The following SH3KBP1 variants were observed in gnomAD, a reference collection of about 807,000 sequenced individuals.
SH3KBP1 encodes the protein SH3 domain-containing kinase-binding protein 1.
A neutral mutation model predicts 50.1 loss-of-function variants in SH3KBP1; 8 were observed. The observed-to-expected ratio is 0.16, with a 90% CI of 0.09 to 0.29. The LOEUF is 0.29. SH3KBP1 is among the 10% of genes least tolerant of loss of function. SH3KBP1 has a pLI of 1.00. For missense variants in SH3KBP1, 377 were observed against 535.2 expected, an observed-to-expected ratio of 0.70 and a Z score of 2.92; for synonymous variants, 227 against 218.6, an observed-to-expected ratio of 1.04 and a Z score of -0.34.
At chrX:19,616,296 C>T (rs2067611736) in intron 8 of SH3KBP1, among the ~76,000 whole-genome samples, 1 of 111,816 alleles carries the variant, frequency 8.9e-6, no homozygotes, top group Non-Finnish European at 1.9e-5. Flanking sequence ...ACAACGAAGT[C>T]ATGACCCAGA....
chrX:19,654,793 A>T (rs1234001697), intron 6 of SH3KBP1, among the ~76,000 whole-genome samples: 1 of 112,069 alleles, frequency 8.9e-6, no homozygotes, highest in African/African-American at 3.2e-5. Flanking sequence ...GAGAAAGATG[A>T]TATGGCTGGA....
At chrX:19,590,903 C>T (rs1342115045) in intron 11 of SH3KBP1, among the ~76,000 whole-genome samples, 1 of 94,859 alleles carries the variant, frequency 1.1e-5, no homozygotes, top group Non-Finnish European at 2.0e-5. Flanking sequence ...CTCAAGTGAT[C>T]CTCCCGCCTC....
chrX:19,677,684 T>C (rs2062961199), intron 6 of SH3KBP1, among the ~76,000 whole-genome samples: 1 of 112,245 alleles, frequency 8.9e-6, no homozygotes. Flanking sequence ...AATCTTCAAG[T>C]CCTCCCTCTT....
intron 2 of SH3KBP1, among the ~76,000 whole-genome samples, chrX:19,791,536 GAAA>G (rs11410602): frequency 3.9e-5 from 3 of 76,878 alleles, no homozygotes. Flanking sequence ...CCTAGAGAAT[GAAA>G]AAAAAAAAAA....
At chrX:19,657,496 G>A (rs60266492) in intron 6 of SH3KBP1, among the ~76,000 whole-genome samples, 2,720 of 110,413 alleles carry the variant, frequency 0.025, 85 homozygotes, top group African/African-American at 0.084. Context: ...TTGGGAGGCC[G>A]AGGTGGGTGG....
chrX:19,586,551 T>C (rs779763468), intron 12 of SH3KBP1, among the ~76,000 whole-genome samples: 1 of 112,322 alleles, frequency 8.9e-6, no homozygotes, highest in African/African-American at 3.2e-5. Flanking sequence ...GCTAAGGTCA[T>C]CAAGGCTGTC....
chrX:19,685,627 T>C (rs953078557), intron 5 of SH3KBP1, among the ~76,000 whole-genome samples: 1 of 111,875 alleles, frequency 8.9e-6, no homozygotes, highest in Non-Finnish European at 1.9e-5. Context: ...TATCCATTTG[T>C]GTGTTTATCT....
At chrX:19,554,247 TTAAAA>T (rs1290388238) in intron 13 of SH3KBP1, among the ~76,000 whole-genome samples, 1 of 81,865 alleles carries the variant, frequency 1.2e-5, no homozygotes, top group Non-Finnish European at 2.2e-5. Context: ...ATTATATATA[TTAAAA>T]TATATTATAT....
intron 5 of SH3KBP1, among the ~76,000 whole-genome samples, chrX:19,692,636 T>C (rs983120580): frequency 1.2e-5 from 1 of 86,031 alleles, no homozygotes; most frequent in Non-Finnish European, 2.2e-5. Flanking sequence ...TGTGTGTGTG[T>C]GTGTGTGTGT....
chrX:19,558,518 A>G (rs2065561475), intron 13 of SH3KBP1, among the ~76,000 whole-genome samples: 1 of 112,050 alleles, frequency 8.9e-6, no homozygotes, highest in African/African-American at 3.2e-5. Flanking sequence ...ACCATCATCC[A>G]TTTTAAAATA....
At chrX:19,544,421 AG>A (rs1195613544) in intron 15 of SH3KBP1, among the ~76,000 whole-genome samples, 3 of 110,608 alleles carry the variant, frequency 2.7e-5, no homozygotes, top group African/African-American at 9.8e-5. Context: ...CAAGACTCAT[AG>A]GTAATAACTG....
At chrX:19,691,356 CTATA>C (rs1258274594) in intron 5 of SH3KBP1, among the ~76,000 whole-genome samples, 10 of 73,595 alleles carry the variant, frequency 1.4e-4, no homozygotes, top group African/African-American at 4.3e-4. Context: ...CTCTCTCTCT[CTATA>C]TATATATATA....
intron 8 of SH3KBP1, among the ~76,000 whole-genome samples, chrX:19,612,397 G>C (rs1428522194): frequency 9.0e-6 from 1 of 111,452 alleles, no homozygotes; most frequent in Non-Finnish European, 1.9e-5. Context: ...CCAAGTAGCT[G>C]GGATTACAGG....
intron 2 of SH3KBP1, among the ~76,000 whole-genome samples, chrX:19,753,244 T>C (rs2148836094): frequency 8.9e-6 from 1 of 112,039 alleles, no homozygotes; most frequent in South Asian, 3.7e-4. Context: ...CAGCCTGCCC[T>C]CAGTCCTGCT....
At chrX:19,622,561 T>G (rs1354948377) in intron 8 of SH3KBP1, among the ~76,000 whole-genome samples, 1 of 112,385 alleles carries the variant, frequency 8.9e-6, no homozygotes, top group Non-Finnish European at 1.9e-5. Flanking sequence ...AACACCAGGA[T>G]GTAGGTACTA....
intron 7 of SH3KBP1, among the ~76,000 whole-genome samples, chrX:19,640,691 G>A (rs2061834924): frequency 9.1e-6 from 1 of 110,156 alleles, no homozygotes; most frequent in Non-Finnish European, 1.9e-5. Flanking sequence ...AAATCAAAAG[G>A]AAAATCCCAA....
intron 2 of SH3KBP1, among the ~76,000 whole-genome samples, chrX:19,788,269 C>CAAAAAAAAAAAAAAAA (rs1227301099): frequency 7.8e-5 from 2 of 25,576 alleles, no homozygotes; most frequent in African/African-American, 2.0e-4. Context: ...ATTCTATCTC[C>CAAAAAAAAAAAAAAAA]AAAAAAAAAA....
intron 12 of SH3KBP1, among the ~76,000 whole-genome samples, chrX:19,573,892 G>A (rs753139867): frequency 1.8e-5 from 2 of 111,457 alleles, no homozygotes; most frequent in South Asian, 7.8e-4. Flanking sequence ...TAACCTCTCT[G>A]GAACTTGAGT....
chrX:19,884,750 GTC>G (rs1239585230), intron 1 of SH3KBP1, among the ~76,000 whole-genome samples: 2 of 111,760 alleles, frequency 1.8e-5, no homozygotes, highest in Non-Finnish European at 3.8e-5. Flanking sequence ...ACAGATTTGG[GTC>G]ACCATAATAT....
Sources: allele counts gnomAD v4.1 joint callset (sites outside exome capture counted in the v4.1 genomes callset), GRCh38; gene constraint gnomAD v4.1.1; transcripts MANE v1.5; gene names NCBI Gene and HGNC (gene_info 2026-07-23, HGNC 2026-07-21).